NTN1: variants seen among roughly 807,000 people sequenced by gnomAD.
The protein encoded by NTN1 is netrin 1, also known as netrin-1.
In NTN1, 11 loss-of-function variants were observed where a neutral mutation model predicts 54.2. That is an observed-to-expected ratio of 0.20 (90% CI 0.13 to 0.34). NTN1 has a LOEUF of 0.34. Ranked by LOEUF, NTN1 falls within the 10% of genes least tolerant of loss-of-function variation. NTN1 has a pLI of 1.00. For synonymous variants in NTN1, 371 were observed against 382.0 expected (o/e 0.97, Z 0.33); for missense variants, 740 against 893.1 (o/e 0.83, Z 2.18).
rs1906316139 is a variant in NTN1 at position 9,243,851 on chromosome 17, G to GAAA, written c.*3883_*3884insAAA. On this transcript the variant is annotated 3_prime_UTR_variant, in exon 7 of 7. Coordinates refer to ENST00000173229, the MANE Select transcript of NTN1 (RefSeq NM_004822.3). Reference sequence around the variant, plus strand: ...TATATATGAATATATTTAATGACATGGAAAAAGTTGTGGATTTTCTTTCTT... The same window carrying GAAA: ...TATATATGAATATATTTAATGACATGAAAGAAAAAGTTGTGGATTTTCTTTCTT... The GAAA allele has an allele frequency of 7.0e-6, 1 of 143,810 alleles. No individual in the cohort carries two copies. The highest frequency in any genetic ancestry group is 1.5e-5 in the Non-Finnish European group (1 of 65,942). 8.9% of individuals were successfully genotyped at this position (143,810 alleles called of 1,614,324 possible). A position where few individuals can be genotyped will look rare whatever the true frequency, so the allele number is the denominator to read the frequency against.
At chr17:9,075,873 T>A (rs2092047771) in intron 2 of NTN1, among the ~76,000 whole-genome samples, 1 of 152,190 alleles carries the variant, frequency 6.6e-6, no homozygotes, top group African/African-American at 2.4e-5. Context: ...CAAACTTTCA[T>A]TTAGCTGACA....
chr17:9,106,630 C>T (rs764127229), intron 2 of NTN1, among the ~76,000 whole-genome samples: 9 of 152,146 alleles, frequency 5.9e-5, no homozygotes, highest in Non-Finnish European at 1.3e-4. Flanking sequence ...TCTCCTGCCT[C>T]AGCCTCCCAA....
rs768509009 is a variant in NTN1 at position 9,022,642 on chromosome 17, C to G, written c.269C>G (p.Ser90Trp). 8.3e-6 allele frequency: 13 copies of G among 1,559,950 alleles called. No individual in the cohort carries two copies. In the East Asian group the frequency reaches 1.7e-4, roughly 20 times the overall value. Residue 90 changes from serine to tryptophan, a missense_variant, in exon 2 of 7, where the codon TCG (serine) becomes TGG (tryptophan). Transcript: ENST00000173229. ...GAGCGCGGCGAGGAGCGGCTGCGCTCGTGCCACCTCTGCAACGCGTCCGAC... is the reference window on the plus strand; with the variant it reads ...GAGCGCGGCGAGGAGCGGCTGCGCTGGTGCCACCTCTGCAACGCGTCCGAC... ...VSERGEERLRSCHLCNASDPK... is the reference protein window; with the variant it reads ...VSERGEERLRWCHLCNASDPK...
intron 5 of NTN1, among the ~76,000 whole-genome samples, chr17:9,188,077 G>C (rs1904329301): frequency 6.6e-6 from 1 of 152,188 alleles, no homozygotes; most frequent in African/African-American, 2.4e-5. Context: ...ACTTGATAGT[G>C]GTGATGAGTT....
intron 2 of NTN1, among the ~76,000 whole-genome samples, chr17:9,162,382 T>G (rs975924508): frequency 1.3e-5 from 2 of 152,238 alleles, no homozygotes; most frequent in African/African-American, 4.8e-5. Context: ...CCCTTCTGCG[T>G]GGCTTGCAGA....
chr17:9,103,754 G>A (rs143793768), intron 2 of NTN1, among the ~76,000 whole-genome samples: 108 of 152,156 alleles, frequency 7.1e-4, no homozygotes, highest in Non-Finnish European at 6.0e-4. Flanking sequence ...GATAAACCTT[G>A]AAGCTGTTAT....
At chr17:9,105,123 G>A (rs574021608) in intron 2 of NTN1, among the ~76,000 whole-genome samples, 2 of 152,308 alleles carry the variant, frequency 1.3e-5, no homozygotes, top group East Asian at 3.9e-4. Context: ...CGTGGTGTTA[G>A]CCCCTTTACC....
chr17:9,144,757 G>A (rs970303649), intron 2 of NTN1, among the ~76,000 whole-genome samples: 4 of 152,246 alleles, frequency 2.6e-5, no homozygotes, highest in African/African-American at 4.8e-5. Context: ...GTTTGCTGAC[G>A]AAACAAGCGA....
At chr17:9,178,439 T>C (rs2092407728) in intron 3 of NTN1, among the ~76,000 whole-genome samples, 1 of 152,214 alleles carries the variant, frequency 6.6e-6, no homozygotes, top group Non-Finnish European at 1.5e-5. Context: ...CATTCTTCTC[T>C]TCTCCACCTT....
chr17:9,013,770 GC>G, the NTN1 span, among the ~76,000 whole-genome samples: 1 of 152,080 alleles, frequency 6.6e-6, no homozygotes, highest in South Asian at 2.1e-4. Flanking sequence ...TGGCTCAGAG[GC>G]CCCCCACTAT....
rs1244965224 is a variant in NTN1, at chr17:9,021,551, C to A, written c.-98C>A. 4 of 151,486 alleles carry A rather than the reference C, an allele frequency of 2.6e-5. No individual in the cohort carries two copies. The East Asian group carries it at 7.8e-4, about 30-fold the overall frequency. 9.4% of individuals were successfully genotyped at this position (151,486 alleles called of 1,614,324 possible). A position where few individuals can be genotyped will look rare whatever the true frequency, so the allele number is the denominator to read the frequency against. On this transcript the variant is annotated 5_prime_UTR_variant, in exon 1 of 7. Transcript: ENST00000173229. ...GCGGCGGCGGCGGAGCCTTCGGGGG[C>A]GAGCGCGCGTGTGTGTGAGTGCGCG...
At chr17:9,163,308 T>C (rs2092363542) in intron 3 of NTN1, among the ~76,000 whole-genome samples, 1 of 151,870 alleles carries the variant, frequency 6.6e-6, no homozygotes, top group South Asian at 2.1e-4. Context: ...CCAACACCTC[T>C]CCCTCCCCTC....
intron 2 of NTN1, among the ~76,000 whole-genome samples, chr17:9,111,080 G>A (rs973982685): frequency 2.6e-5 from 4 of 151,876 alleles, no homozygotes; most frequent in African/African-American, 4.8e-5. Context: ...GAGGATTACC[G>A]GCACACGCCA....
chr17:9,045,852 A>T (rs1305487039), intron 2 of NTN1, among the ~76,000 whole-genome samples: 3 of 152,214 alleles, frequency 2.0e-5, no homozygotes, highest in Non-Finnish European at 4.4e-5. Flanking sequence ...AACATTAGGA[A>T]TGAAAAAGAG....
intron 2 of NTN1, among the ~76,000 whole-genome samples, chr17:9,074,837 G>A (rs988706152): frequency 6.6e-6 from 1 of 152,210 alleles, no homozygotes; most frequent in Non-Finnish European, 1.5e-5. Flanking sequence ...AAATTCAGGA[G>A]TCCCCAAGGG....
In NTN1 at chr17:9,145,916, CAAA is replaced by C. The variant is rs60504172; in HGVS notation, c.1019-16876_1019-16874del. ...TGGGCGACAGAGCAAGACTCCATCTCAAAAAAAAAAAAAAAAAAAAAAAGTGTG... is the reference window on the plus strand; with the variant it reads ...TGGGCGACAGAGCAAGACTCCATCTCAAAAAAAAAAAAAAAAAAAAGTGTG... On this transcript the variant is annotated intron_variant, in intron 2 of 6. Transcript: ENST00000173229. Among the ~76,000 whole-genome samples, 367 of 88,980 alleles carry C rather than the reference CAAA, an allele frequency of 4.1e-3. 5 individuals carry two copies. The highest frequency in any genetic ancestry group is 7.6e-3 in the East Asian group (25 of 3,284). The allele number at this position is 88,980 out of a possible 152,430, so 58.4% of individuals were successfully genotyped here.
At chr17:9,227,565 TCACACA>T (rs56365655) in intron 6 of NTN1, among the ~76,000 whole-genome samples, 1 of 147,150 alleles carries the variant, frequency 6.8e-6, no homozygotes, top group African/African-American at 2.5e-5. Flanking sequence ...ACACACACTA[TCACACA>T]CACACATCAC....
At chr17:9,092,899 C>A (rs1210094210) in intron 2 of NTN1, among the ~76,000 whole-genome samples, 1 of 152,186 alleles carries the variant, frequency 6.6e-6, no homozygotes, top group African/African-American at 2.4e-5. Flanking sequence ...GCTGGGACTA[C>A]GGGTGCCCAC....
chr17:9,153,301 T>C (rs1361780432), intron 2 of NTN1, among the ~76,000 whole-genome samples: 1 of 145,878 alleles, frequency 6.9e-6, no homozygotes, highest in Non-Finnish European at 1.5e-5. Flanking sequence ...ACAAAAACAT[T>C]AGCAGGGCGT....
Sources: allele counts gnomAD v4.1 joint callset (sites outside exome capture counted in the v4.1 genomes callset), GRCh38; gene constraint gnomAD v4.1.1; transcripts MANE v1.5; gene names NCBI Gene and HGNC (gene_info 2026-07-23, HGNC 2026-07-21).